Variants in ZNF292 observed in about 807,000 individuals in gnomAD.
ZNF292 encodes 16 zinc-finger domain protein.
A neutral mutation model predicts 217.9 loss-of-function variants in ZNF292; 26 were observed. That is an observed-to-expected ratio of 0.12 (90% confidence interval 0.09 to 0.17). The LOEUF is 0.17. ZNF292 is among the 10% of genes least tolerant of loss of function. The pLI is 1.00. For missense variants in ZNF292, 2,904 were observed against 3,175.2 expected, an observed-to-expected ratio of 0.91 and a Z score of 2.05; for synonymous variants, 1,257 against 1,124.1, an observed-to-expected ratio of 1.12 and a Z score of -2.37.
intron 4 of ZNF292, among the ~76,000 whole-genome samples, chr6:87,219,390 A>T (rs55942837): frequency 7.2e-5 from 11 of 152,304 alleles, no homozygotes; most frequent in Admixed American, 3.9e-4. Flanking sequence ...AAAGAAGTAA[A>T]TTTTTTTAAA....
chr6:87,261,324 A>G lies in ZNF292; in HGVS notation c.7695A>G (p.Glu2565=), dbSNP rs781108130. 1.2e-6 allele frequency: 2 copies of G among 1,613,492 alleles called. No homozygotes were observed. The highest frequency in any genetic ancestry group is 2.2e-5 in the South Asian group (2 of 91,072). ...AAELSSVRKE[E]ETAVAIQTIE... Reference sequence around the variant, plus strand: ...AGTTAAGTAGCGTGCGTAAAGAAGAAGAAACTGCTGTTGCCATTCAAACCA... The same window carrying G: ...AGTTAAGTAGCGTGCGTAAAGAAGAGGAAACTGCTGTTGCCATTCAAACCA... Residue 2565 remains glutamate, a synonymous_variant, in exon 8 of 8, where the codon GAA becomes GAG. Coordinates refer to ENST00000369577, the MANE Select transcript of ZNF292 (RefSeq NM_015021.3).
chr6:87,157,343 A>G (rs192178314), intron 1 of ZNF292, among the ~76,000 whole-genome samples: 4 of 152,320 alleles, frequency 2.6e-5, no homozygotes, highest in Admixed American at 2.0e-4. Flanking sequence ...CAGTTTCTCT[A>G]CTTTGCAGTA....
intron 2 of ZNF292, 103 bp downstream of exon 2, chr6:87,216,160 A>G (rs1272454118): frequency 3.9e-6 from 5 of 1,272,628 alleles, no homozygotes; most frequent in African/African-American, 3.0e-5. Context: ...CACACACAAC[A>G]TTAAATCTCA....
intron 4 of ZNF292, among the ~76,000 whole-genome samples, chr6:87,224,404 C>T (rs1773236755): frequency 6.6e-6 from 1 of 151,080 alleles, no homozygotes; most frequent in Non-Finnish European, 1.5e-5. Flanking sequence ...AAAATAGTGT[C>T]GTGTGTCCAC....
intron 1 of ZNF292, among the ~76,000 whole-genome samples, chr6:87,196,585 A>C (rs1771958612): frequency 6.6e-6 from 1 of 152,224 alleles, no homozygotes; most frequent in Non-Finnish European, 1.5e-5. Context: ...TTATTTACTT[A>C]GTGATTTGTG....
intron 1 of ZNF292, among the ~76,000 whole-genome samples, chr6:87,181,155 G>A (rs1472996237): frequency 6.6e-6 from 1 of 152,166 alleles, no homozygotes; most frequent in Non-Finnish European, 1.5e-5. Flanking sequence ...TTATTGCAAG[G>A]AAGAGGGCCA....
At chr6:87,219,595 A>T (rs779211342) in intron 4 of ZNF292, among the ~76,000 whole-genome samples, 24 of 152,098 alleles carry the variant, frequency 1.6e-4, no homozygotes, top group Non-Finnish European at 2.5e-4. Context: ...TGTTTACCCA[A>T]AGCCTTCCCA....
In ZNF292 at chr6:87,257,316, C is replaced by T. The variant is rs1311625662; in HGVS notation, c.3687C>T (p.Ser1229=). Residue 1229 remains serine (S), a synonymous_variant, in exon 8 of 8, where the codon TCC becomes TCT. Coordinates refer to ENST00000369577, the MANE Select transcript of ZNF292 (RefSeq NM_015021.3). ...ATGAACAAGGTGGTATGTTATGTTC[C>T]CAAATGGAAAATTTACCTAGTACTG... ...DKNEQGGMLC[S]QMENLPSTAL... 2 of 1,613,436 alleles carry T rather than the reference C, an allele frequency of 1.2e-6. No individual in the cohort carries two copies. The highest frequency in any genetic ancestry group is 1.1e-5 in the South Asian group (1 of 91,050).
Position 87,265,313 on chromosome 6 carries a change from G to T in ZNF292, c.*3512G>T, listed in dbSNP as rs148597644. ...AGTTTTGGCACAATCTCAGCTCAGT[G>T]CAACTTCCATCTCCCAGGTTCAAGT... On this transcript the variant is annotated 3_prime_UTR_variant, in exon 8 of 8. Transcript: ENST00000369577. 1.3e-5 allele frequency among the ~76,000 whole-genome samples: 2 copies of T among 152,138 alleles called. No homozygotes were observed. The highest frequency in any genetic ancestry group is 2.9e-5 in the Non-Finnish European group (2 of 67,964).
chr6:87,210,514 A>G (rs1772438105), intron 1 of ZNF292, among the ~76,000 whole-genome samples: 1 of 152,054 alleles, frequency 6.6e-6, no homozygotes, highest in Non-Finnish European at 1.5e-5. Flanking sequence ...GTGGGGATCT[A>G]GTAGCTCCCT....
chr6:87,181,561 G>A (rs1351785228), intron 1 of ZNF292, among the ~76,000 whole-genome samples: 1 of 152,176 alleles, frequency 6.6e-6, no homozygotes, highest in African/African-American at 2.4e-5. Context: ...AGGGCCACTG[G>A]TCTTCAGACT....
At chr6:87,211,876 C>T (rs1342677632) in intron 1 of ZNF292, among the ~76,000 whole-genome samples, 1 of 152,128 alleles carries the variant, frequency 6.6e-6, no homozygotes, top group African/African-American at 2.4e-5. Flanking sequence ...ATTACAGTGA[C>T]ATTTATCTTT....
chr6:87,172,741 A>G (rs765792340), intron 1 of ZNF292, among the ~76,000 whole-genome samples: 22 of 151,918 alleles, frequency 1.4e-4, no homozygotes, highest in Admixed American at 2.6e-4. Context: ...CCTCATCTCT[A>G]TAAAAAATAA....
intron 4 of ZNF292, among the ~76,000 whole-genome samples, chr6:87,228,511 T>C (rs934972593): frequency 1.3e-5 from 2 of 152,186 alleles, no homozygotes; most frequent in South Asian, 4.1e-4. Context: ...TGCCAGTCTA[T>C]TGTCATAAAG....
intron 5 of ZNF292, among the ~76,000 whole-genome samples, chr6:87,234,329 C>T (rs929359781): frequency 2.6e-5 from 4 of 152,138 alleles, no homozygotes; most frequent in South Asian, 4.2e-4. Flanking sequence ...GAGGCCGAGG[C>T]GGGCGGATCA....
At chr6:87,165,883 G>A (rs1000003309) in intron 1 of ZNF292, among the ~76,000 whole-genome samples, 4 of 150,102 alleles carry the variant, frequency 2.7e-5, no homozygotes, top group African/African-American at 7.4e-5. Flanking sequence ...TCAGCTTCCC[G>A]AGTAGCTGGG....
In ZNF292 at chr6:87,211,199, G is replaced by T. The variant is rs530971170; in HGVS notation, c.169-4704G>T. Among the ~76,000 whole-genome samples, 5 of 152,180 alleles carry T rather than the reference G, an allele frequency of 3.3e-5. No homozygotes were observed. In the East Asian group the frequency reaches 9.7e-4, roughly 29 times the overall value. ...CGTGGGCCACCACCTGTCTCAGGAG[G>T]CCAACTTGTTCTGTTTTTGGTTTAC... On this transcript the variant is annotated intron_variant, in intron 1 of 7. Transcript: ENST00000369577.
chr6:87,258,178 G>A lies in ZNF292; in HGVS notation c.4549G>A (p.Val1517Ile). 1.2e-6 allele frequency: 2 copies of A among 1,611,716 alleles called. No homozygotes were observed. Among genetic ancestry groups the A allele is most frequent in the Middle Eastern group, 1.7e-4 (1 of 6,058 alleles). ...EMLSHVSTGC[V>I]SDASQVNATV... ...GCTTTCTCATGTTTCAACAGGTTGTGTCTCTGATGCATCACAAGTAAATGC... is the reference window on the plus strand; with the variant it reads ...GCTTTCTCATGTTTCAACAGGTTGTATCTCTGATGCATCACAAGTAAATGC... The change falls in exon 8 of 8, where the codon GTC (valine) becomes ATC (isoleucine). Residue 1517 changes from valine (V) to isoleucine (I), a missense_variant. Physicochemically the swap from Val to Ile is conservative, Grantham distance 29. This residue lies in a region of ZNF292 where 622 missense variants were observed against 573.1 expected (regional missense o/e 1.09). Transcript: ENST00000369577.
chr6:87,172,028 TA>T (rs1771115494), intron 1 of ZNF292, among the ~76,000 whole-genome samples: 5 of 152,224 alleles, frequency 3.3e-5, no homozygotes, highest in Admixed American at 2.6e-4. Flanking sequence ...TTGCAAATAC[TA>T]ACAAAGGTAA....
Sources: gnomAD v4.1 joint callset for allele counts (sites outside exome capture counted in the v4.1 genomes callset) on GRCh38, gnomAD v4.1.1 for gene constraint, gnomAD v4.1.1 regional missense constraint, MANE v1.5 for transcripts, NCBI Gene and HGNC (gene_info 2026-07-23, HGNC 2026-07-21) for gene names.